GPC6: variants seen among roughly 807,000 people sequenced by gnomAD.
GPC6 encodes the protein glypican-6.
A neutral mutation model predicts 55.2 loss-of-function variants in GPC6; 14 were observed. That is an observed-to-expected ratio of 0.25 (90% CI 0.17 to 0.40). GPC6 has a LOEUF of 0.40. Ranked by LOEUF, GPC6 falls within the 10% of genes least tolerant of loss-of-function variation. The pLI is 1.00. For missense variants in GPC6, 641 were observed against 708.5 expected (o/e 0.90, Z 1.08); for synonymous variants, 278 against 259.6 (o/e 1.07, Z -0.68).
chr13:94,260,473 T>A (rs1011104155), intron 4 of GPC6, among the ~76,000 whole-genome samples: 26 of 152,298 alleles, frequency 1.7e-4, no homozygotes, highest in Admixed American at 3.9e-4. Flanking sequence ...TACTTGGCCA[T>A]CTTCTCCCTG....
At chr13:94,031,135 G>A (rs911442431) in intron 4 of GPC6, among the ~76,000 whole-genome samples, 3 of 151,200 alleles carry the variant, frequency 2.0e-5, no homozygotes, top group Non-Finnish European at 3.0e-5. Context: ...TGTGTTCTTC[G>A]AAAAAATCAG....
intron 4 of GPC6, among the ~76,000 whole-genome samples, chr13:94,134,589 A>G (rs1887117836): frequency 6.6e-6 from 1 of 152,218 alleles, no homozygotes; most frequent in African/African-American, 2.4e-5. Context: ...TGTCCTCCTA[A>G]TATAGCACAT....
intron 4 of GPC6, among the ~76,000 whole-genome samples, chr13:94,077,185 C>T (rs1419973891): frequency 6.6e-6 from 1 of 151,684 alleles, no homozygotes; most frequent in East Asian, 1.9e-4. Flanking sequence ...TCTCAGTGTA[C>T]AAGGTTTTCA....
At chr13:94,287,096 T>C (rs1892553642) in intron 5 of GPC6, among the ~76,000 whole-genome samples, 1 of 152,176 alleles carries the variant, frequency 6.6e-6, no homozygotes, top group African/African-American at 2.4e-5. Flanking sequence ...ACAATTTTTA[T>C]TTGTCTCCAC....
intron 3 of GPC6, among the ~76,000 whole-genome samples, chr13:93,895,641 A>G (rs528268040): frequency 1.5e-4 from 23 of 152,112 alleles, no homozygotes; most frequent in African/African-American, 5.5e-4. Flanking sequence ...ATCAGACAAT[A>G]TCTTGTTTTT....
chr13:93,404,202 A>G (rs757729079), intron 1 of GPC6, among the ~76,000 whole-genome samples: 11 of 152,176 alleles, frequency 7.2e-5, no homozygotes, highest in African/African-American at 1.2e-4. Flanking sequence ...AAAAAATAAA[A>G]CAAACCAACT....
chr13:93,435,442 C>T (rs1877535501), intron 1 of GPC6, among the ~76,000 whole-genome samples: 1 of 151,698 alleles, frequency 6.6e-6, no homozygotes, highest in Admixed American at 6.6e-5. Flanking sequence ...ACATGTTCTT[C>T]ATATGTCACT....
At chr13:93,487,932 A>G (rs985574309) in intron 1 of GPC6, among the ~76,000 whole-genome samples, 14 of 152,194 alleles carry the variant, frequency 9.2e-5, no homozygotes, top group African/African-American at 2.7e-4. Flanking sequence ...CAATAAAAAT[A>G]AACAAAATCT....
At chr13:94,315,864 C>T (rs1368740830) in intron 6 of GPC6, among the ~76,000 whole-genome samples, 2 of 152,222 alleles carry the variant, frequency 1.3e-5, no homozygotes, top group Non-Finnish European at 2.9e-5. Flanking sequence ...GTCCAACCCA[C>T]AGCCCATGGC....
intron 4 of GPC6, among the ~76,000 whole-genome samples, chr13:94,059,515 G>A (rs1884250242): frequency 6.6e-6 from 1 of 151,864 alleles, no homozygotes; most frequent in Non-Finnish European, 1.5e-5. Flanking sequence ...GATTGGAATG[G>A]GTTTAAAACC....
At chr13:93,523,325 A>G (rs1881510605) in intron 1 of GPC6, among the ~76,000 whole-genome samples, 2 of 147,750 alleles carry the variant, frequency 1.4e-5, no homozygotes, top group African/African-American at 2.6e-5. Context: ...AAAAGAGGAT[A>G]TATATATGCA....
At chr13:94,239,503 T>C (rs530796259) in intron 4 of GPC6, among the ~76,000 whole-genome samples, 1 of 152,280 alleles carries the variant, frequency 6.6e-6, no homozygotes, top group Non-Finnish European at 1.5e-5. Context: ...ATTCTTGGAA[T>C]GATTTTAGTA....
At chr13:93,795,783 A>G (rs1033421881) in intron 2 of GPC6, among the ~76,000 whole-genome samples, 4 of 152,178 alleles carry the variant, frequency 2.6e-5, no homozygotes, top group Admixed American at 6.5e-5. Flanking sequence ...TGGCAAATCA[A>G]TCACCATCTC....
At chr13:94,151,606 A>G (rs1345144307) in intron 4 of GPC6, among the ~76,000 whole-genome samples, 1 of 152,120 alleles carries the variant, frequency 6.6e-6, no homozygotes, top group Non-Finnish European at 1.5e-5. Flanking sequence ...TCCACCAAAC[A>G]CTGCAAGTCA....
At chr13:94,343,031 C>T (rs1426568902) in intron 6 of GPC6, among the ~76,000 whole-genome samples, 1 of 152,142 alleles carries the variant, frequency 6.6e-6, no homozygotes, top group Non-Finnish European at 1.5e-5. Flanking sequence ...CCTGCCAGAA[C>T]TGATTAAAAG....
chr13:94,083,369 T>C (rs912806913), intron 4 of GPC6, among the ~76,000 whole-genome samples: 59 of 152,266 alleles, frequency 3.9e-4, no homozygotes, highest in African/African-American at 1.2e-3. Context: ...GCGCCCACCT[T>C]GGCCTCCCAA....
At chr13:94,361,925 A>G (rs1005779120) in intron 6 of GPC6, among the ~76,000 whole-genome samples, 1 of 152,254 alleles carries the variant, frequency 6.6e-6, no homozygotes, top group Non-Finnish European at 1.5e-5. Flanking sequence ...AAGGAAATAA[A>G]TGGTAATGCC....
rs1422308281 is a variant in GPC6, at chr13:94,259,567, C to CA, written c.878-26781dup. Among the ~76,000 whole-genome samples the CA allele has an allele frequency of 3.3e-5, 5 of 152,134 alleles. No individual in the cohort carries two copies. In the East Asian group the frequency reaches 7.7e-4, roughly 23 times the overall value. ...ATGATTCAGTGGCATTAAGAATACTCACTATGTTGTGTAAACCACCCCTAT... is the reference window on the plus strand; with the variant it reads ...ATGATTCAGTGGCATTAAGAATACTCAACTATGTTGTGTAAACCACCCCTAT... On this transcript the variant is annotated intron_variant, in intron 4 of 8. Transcript: ENST00000377047.
intron 4 of GPC6, among the ~76,000 whole-genome samples, chr13:94,232,001 G>A (rs1890744332): frequency 6.6e-6 from 1 of 152,246 alleles, no homozygotes; most frequent in East Asian, 1.9e-4. Context: ...AACAAGAGCC[G>A]ACCATGTTGA....
Sources: gnomAD v4.1 joint callset for allele counts (sites outside exome capture counted in the v4.1 genomes callset) on GRCh38, gnomAD v4.1.1 for gene constraint, MANE v1.5 for transcripts, NCBI Gene and HGNC (gene_info 2026-07-23, HGNC 2026-07-21) for gene names.